The following DNAAF4 variants were observed in gnomAD, a reference collection of about 807,000 sequenced individuals.
DNAAF4 encodes the protein dynein axonemal assembly factor 4.
In DNAAF4, 43 loss-of-function variants were observed where a neutral mutation model predicts 51.8. The observed-to-expected ratio is 0.83, with a 90% CI of 0.65 to 1.07. DNAAF4 has a LOEUF of 1.07. DNAAF4 is among the 50% of genes least tolerant of loss of function. The pLI, the probability that DNAAF4 is intolerant of heterozygous loss-of-function variation, is 0.00. For missense variants in DNAAF4, 581 were observed against 493.0 expected (o/e 1.18, Z -1.69); for synonymous variants, 194 against 165.6 (o/e 1.17, Z -1.32).
intron 7 of DNAAF4, 94 bp downstream of exon 7, chr15:55,439,378 G>T: frequency 9.3e-7 from 1 of 1,074,516 alleles, no homozygotes. Context: ...CCAAAGGGCT[G>T]GGATTACAGG....
At chr15:55,431,730 G>A (rs2414415) in intron 9 of DNAAF4, among the ~76,000 whole-genome samples, 63,926 of 151,490 alleles carry the variant, frequency 0.42, 14,627 homozygotes, top group East Asian at 0.74. Flanking sequence ...CACCTGCTTC[G>A]GCCTCCCAAA....
chr15:55,475,927 T>C (rs978028281), intron 4 of DNAAF4, among the ~76,000 whole-genome samples: 3 of 152,148 alleles, frequency 2.0e-5, no homozygotes, highest in Non-Finnish European at 4.4e-5. Flanking sequence ...GGAAAGATTA[T>C]GTAAATGAGA....
At chr15:55,500,937 A>G (rs1002668394) in intron 1 of DNAAF4, among the ~76,000 whole-genome samples, 1 of 143,056 alleles carries the variant, frequency 7.0e-6, no homozygotes, top group African/African-American at 2.6e-5. Flanking sequence ...GGTTGCCATG[A>G]GCTGAGAGCG....
chr15:55,445,732 C>A (rs915179381), intron 6 of DNAAF4, among the ~76,000 whole-genome samples: 10 of 142,858 alleles, frequency 7.0e-5, no homozygotes, highest in African/African-American at 2.6e-4. Context: ...ACCTCCCAGA[C>A]GGGGCGGCCG....
At chr15:55,442,564 C>T in intron 6 of DNAAF4, 1 of 1,006,694 alleles carries the variant, frequency 9.9e-7, no homozygotes, top group East Asian at 2.4e-5. Context: ...AGTGAGGGAG[C>T]AGAGTATTCG....
chr15:55,430,320 CTTTTAT>C lies in DNAAF4; in HGVS notation c.*344_*349del. 1.1e-6 allele frequency: 1 copy of C among 877,128 alleles called. No individual in the cohort carries two copies. The highest frequency in any genetic ancestry group is 5.2e-5 in the South Asian group (1 of 19,174). 54.3% of individuals were successfully genotyped at this position (877,128 alleles called of 1,614,324 possible). Reference sequence around the variant, plus strand: ...ATACAAACAAAAGTTATTTATAAATCTTTTATTTTAAAATTCTACCTTGTTAAAAAT... The same window carrying C: ...ATACAAACAAAAGTTATTTATAAATCTTTAAAATTCTACCTTGTTAAAAAT... On this transcript the variant is annotated 3_prime_UTR_variant, in exon 10 of 10. Coordinates refer to ENST00000321149, the MANE Select transcript of DNAAF4 (RefSeq NM_130810.4).
chr15:55,503,623 C>A (rs568132756), intron 1 of DNAAF4, among the ~76,000 whole-genome samples: 1 of 152,084 alleles, frequency 6.6e-6, no homozygotes, highest in African/African-American at 2.4e-5. Context: ...GTTCAATATA[C>A]GCAAATCAAT....
intron 5 of DNAAF4, among the ~76,000 whole-genome samples, chr15:55,460,309 A>C (rs1441312783): frequency 6.6e-6 from 1 of 151,494 alleles, no homozygotes; most frequent in South Asian, 2.1e-4. Context: ...CCTCCTGAGT[A>C]GCTGGGATTA....
At chr15:55,453,271 T>A (rs917857622) in intron 5 of DNAAF4, among the ~76,000 whole-genome samples, 4 of 152,188 alleles carry the variant, frequency 2.6e-5, no homozygotes, top group Non-Finnish European at 5.9e-5. Context: ...ATATATGATA[T>A]TTCCTCATAC....
intron 4 of DNAAF4, among the ~76,000 whole-genome samples, chr15:55,483,437 T>TC (rs1423519997): frequency 6.6e-6 from 1 of 152,060 alleles, no homozygotes; most frequent in East Asian, 1.9e-4. Flanking sequence ...CAGAATTACA[T>TC]AGTGGTGATG....
At chr15:55,503,974 G>A (rs1187706954) in intron 1 of DNAAF4, among the ~76,000 whole-genome samples, 2 of 152,168 alleles carry the variant, frequency 1.3e-5, no homozygotes, top group African/African-American at 4.8e-5. Flanking sequence ...AGGAAGAGAG[G>A]AAGTCAAATT....
chr15:55,501,772 G>A (rs1168833998), intron 1 of DNAAF4, among the ~76,000 whole-genome samples: 3 of 151,940 alleles, frequency 2.0e-5, no homozygotes, highest in Non-Finnish European at 4.4e-5. Context: ...GCTGGGCGGG[G>A]TGGCTCACGC....
At chr15:55,506,257 A>T (rs2058726681) in intron 1 of DNAAF4, among the ~76,000 whole-genome samples, 1 of 152,214 alleles carries the variant, frequency 6.6e-6, no homozygotes, top group South Asian at 2.1e-4. Flanking sequence ...AAAATGGGCA[A>T]ATTGGCATAA....
At chr15:55,440,931 T>C (rs8028763) in intron 6 of DNAAF4, among the ~76,000 whole-genome samples, 17,648 of 151,926 alleles carry the variant, frequency 0.12, 1,472 homozygotes, top group African/African-American at 0.23. Flanking sequence ...TTCACCCACC[T>C]TGGCCTCCCA....
At chr15:55,486,776 CA>C (rs533402480) in intron 4 of DNAAF4, among the ~76,000 whole-genome samples, 1,803 of 130,286 alleles carry the variant, frequency 0.014, 21 homozygotes, top group African/African-American at 0.035. Context: ...GACCCTGTCT[CA>C]AAAAAAAAAA....
At chr15:55,491,073 T>G in intron 4 of DNAAF4, 50 bp downstream of exon 4, 1 of 1,604,240 alleles carries the variant, frequency 6.2e-7, no homozygotes, top group Non-Finnish European at 8.5e-7. Context: ...TATCCTCACA[T>G]AGTCTACTAT....
chr15:55,440,980 C>T (rs561636955), intron 6 of DNAAF4, among the ~76,000 whole-genome samples: 9 of 151,988 alleles, frequency 5.9e-5, no homozygotes, highest in African/African-American at 2.2e-4. Context: ...CGTGCCCGTC[C>T]TTAAACTTTT....
chr15:55,493,528 C>G (rs1428589562), intron 3 of DNAAF4, among the ~76,000 whole-genome samples: 1 of 152,010 alleles, frequency 6.6e-6, no homozygotes, highest in Non-Finnish European at 1.5e-5. Context: ...ATGAAATACT[C>G]CATGTCTAAT....
chr15:55,450,117 G>A, intron 6 of DNAAF4, 105 bp downstream of exon 6: 2 of 1,222,018 alleles, frequency 1.6e-6, no homozygotes, highest in Non-Finnish European at 2.2e-6. Context: ...TTTCTTTAGT[G>A]TAATAAATAC....
Sources: gnomAD v4.1 joint callset for allele counts (sites outside exome capture counted in the v4.1 genomes callset) on GRCh38, gnomAD v4.1.1 for gene constraint, MANE v1.5 for transcripts, NCBI Gene and HGNC (gene_info 2026-07-23, HGNC 2026-07-21) for gene names.